The following APBA1 variants were observed in gnomAD, a reference collection of about 807,000 sequenced individuals.
The protein encoded by APBA1 is amyloid-beta A4 precursor protein-binding family A member 1.
APBA1 carries 55 observed loss-of-function variants against 86.6 expected under a neutral mutation model. The observed-to-expected ratio is 0.64, with a 90% CI of 0.51 to 0.80. APBA1 has a LOEUF of 0.80. Among genes scored for constraint, APBA1 ranks in the 30% least tolerant of loss-of-function variants. The probability of loss-of-function intolerance (pLI) is 0.00; values close to 1 mark genes in which losing one functional copy is unlikely to be tolerated. For synonymous variants in APBA1, 511 were observed against 493.9 expected (o/e 1.03, Z -0.46); for missense variants, 1,090 against 1,183.0 (o/e 0.92, Z 1.15).
At chr9:69,499,987 G>T (rs1052777976) in intron 2 of APBA1, among the ~76,000 whole-genome samples, 1 of 152,094 alleles carries the variant, frequency 6.6e-6, no homozygotes, top group Non-Finnish European at 1.5e-5. Context: ...ATCAGGAGTA[G>T]AATGCCAATA....
intron 1 of APBA1, among the ~76,000 whole-genome samples, chr9:69,610,538 G>C (rs1822566606): frequency 6.6e-6 from 1 of 152,014 alleles, no homozygotes; most frequent in Non-Finnish European, 1.5e-5. Flanking sequence ...TGGGCACTCT[G>C]ATTTTGGTTT....
intron 9 of APBA1, among the ~76,000 whole-genome samples, chr9:69,450,860 C>T (rs1834996041): frequency 6.6e-6 from 1 of 151,792 alleles, no homozygotes; most frequent in African/African-American, 2.4e-5. Context: ...TAGGGACATG[C>T]ATGGAGAAAG....
In APBA1 at chr9:69,429,429, A is replaced by G. The variant is rs1399190161; in HGVS notation, c.*1898T>C. The G allele has an allele frequency of 6.6e-6, 1 of 152,162 alleles. No homozygotes were observed. Among genetic ancestry groups the G allele is most frequent in the Non-Finnish European group, 1.5e-5 (1 of 68,032 alleles). The allele number at this position is 152,162 out of a possible 1,614,324, so 9.4% of individuals were successfully genotyped here. A position where few individuals can be genotyped will look rare whatever the true frequency, so the allele number is the denominator to read the frequency against. On this transcript the variant is annotated 3_prime_UTR_variant, in exon 13 of 13. Transcript: ENST00000265381. Reference sequence around the variant, plus strand: ...CCTGGGGAGCTTTACGGACCATCCCAGAGCCCCTGGCCCCACCGGGTGCCA... The same window carrying G: ...CCTGGGGAGCTTTACGGACCATCCCGGAGCCCCTGGCCCCACCGGGTGCCA...
At chr9:69,445,279 A>C (rs1282769274) in intron 10 of APBA1, among the ~76,000 whole-genome samples, 1 of 152,198 alleles carries the variant, frequency 6.6e-6, no homozygotes, top group East Asian at 1.9e-4. Context: ...AATGTGTTGC[A>C]AGATGAAGCT....
chr9:69,448,419 G>A (rs1359461483), intron 10 of APBA1, among the ~76,000 whole-genome samples: 2 of 152,212 alleles, frequency 1.3e-5, no homozygotes, highest in African/African-American at 4.8e-5. Context: ...TAAGCAAGAG[G>A]TAGAATTTAT....
chr9:69,514,738 G>A (rs1405507199), intron 2 of APBA1, among the ~76,000 whole-genome samples: 2 of 151,818 alleles, frequency 1.3e-5, no homozygotes, highest in African/African-American at 2.4e-5. Flanking sequence ...ATGAAACCCC[G>A]TCTCTACTAA....
At position 69,516,226 on chromosome 9, in the gene APBA1, C is replaced by T. The variant is rs1193519001; in HGVS notation, c.985G>A (p.Ala329Thr). 1.4e-6 allele frequency: 2 copies of T among 1,474,160 alleles called. No homozygotes were observed. The highest frequency in any genetic ancestry group is 1.8e-6 in the Non-Finnish European group (2 of 1,109,540). 91.3% of individuals were successfully genotyped at this position (1,474,160 alleles called of 1,614,324 possible). The change falls in exon 2 of 13, where the codon GCG becomes ACG. Residue 329 changes from alanine to threonine, a missense_variant. Physicochemically the swap from Ala to Thr is moderately conservative, Grantham distance 58. Around this residue, in one of 6 missense-constraint regions of APBA1, gnomAD observed 678 missense variants for 647.1 expected, o/e 1.05. Transcript: ENST00000265381. The surrounding 1 kb of genome is among the most constrained non-coding windows in gnomAD (Gnocchi z 7.3). ...PAGQQRAVGP[A>T]GGGEAGQRYS... is the part of the protein sequence containing the mutation. ...CGCTGCCCCGCCTCGCCGCCGCCCG[C>T]GGGGCCCACCGCCCGCTGCTGCCCC...
In APBA1 at chr9:69,434,810, T is replaced by C. The variant is rs142634360; in HGVS notation, c.2302-2134A>G. ...ACTTTAACGTTTTTATTATTATTAG[T>C]ATACTTTAAGTTTTAGGGTACATGG... On this transcript the variant is annotated intron_variant, in intron 11 of 12. Transcript: ENST00000265381. Among the ~76,000 whole-genome samples the C allele has an allele frequency of 2.6e-3, 401 of 152,224 alleles. 3 individuals carry two copies. The highest frequency in any genetic ancestry group is 4.4e-3 in the Non-Finnish European group (297 of 67,994).
chr9:69,543,250 C>T (rs1017141716), intron 1 of APBA1, among the ~76,000 whole-genome samples: 7 of 143,730 alleles, frequency 4.9e-5, no homozygotes, highest in African/African-American at 1.8e-4. Context: ...TGGCCCTCCA[C>T]TTCCACTCCC....
At chr9:69,539,416 T>C (rs899681913) in intron 1 of APBA1, among the ~76,000 whole-genome samples, 2 of 152,240 alleles carry the variant, frequency 1.3e-5, no homozygotes, top group Non-Finnish European at 2.9e-5. Context: ...TAATCCTTTT[T>C]TTCATACCCT....
chr9:69,532,452 G>A (rs1836448720), intron 1 of APBA1, among the ~76,000 whole-genome samples: 1 of 152,076 alleles, frequency 6.6e-6, no homozygotes, highest in Non-Finnish European at 1.5e-5. Flanking sequence ...GTCGCTTCCC[G>A]ACCACCTGGC....
intron 1 of APBA1, among the ~76,000 whole-genome samples, chr9:69,649,785 T>TTCCA: frequency 6.6e-6 from 1 of 152,142 alleles, no homozygotes; most frequent in Non-Finnish European, 1.5e-5. Flanking sequence ...TCAGAGGGTC[T>TTCCA]GGAGGAATAA....
rs1289497540 is a variant in APBA1, at chr9:69,427,773, TTATTTA to T, written c.*3548_*3553del. ...GTGTAGATATATTTTATTTATATAT[TTATTTA>T]TATTTATATATAGATCATTGAGTTT... On this transcript the variant is annotated 3_prime_UTR_variant, in exon 13 of 13. Coordinates refer to ENST00000265381, the MANE Select transcript of APBA1 (RefSeq NM_001163.4). 6.6e-6 allele frequency: 1 copy of T among 151,680 alleles called. No homozygotes were observed. Among genetic ancestry groups the T allele is most frequent in the Non-Finnish European group, 1.5e-5 (1 of 67,906 alleles). 9.4% of individuals were successfully genotyped at this position (151,680 alleles called of 1,614,324 possible). A position where few individuals can be genotyped will look rare whatever the true frequency, so the allele number is the denominator to read the frequency against.
chr9:69,615,668 A>G (rs1280142649), intron 1 of APBA1, among the ~76,000 whole-genome samples: 2 of 152,308 alleles, frequency 1.3e-5, no homozygotes, highest in East Asian at 3.9e-4. Context: ...GCTATAATAC[A>G]CCTGTTATTA....
intron 2 of APBA1, 64 bp from the exon 3 acceptor site, chr9:69,476,207 G>A (rs1444517437): frequency 1.6e-6 from 2 of 1,219,930 alleles, no homozygotes; most frequent in Non-Finnish European, 2.4e-6. Flanking sequence ...TTGGCTGGGG[G>A]AAAGGGGCCG....
intron 1 of APBA1, among the ~76,000 whole-genome samples, chr9:69,612,017 T>G (rs1454559498): frequency 6.6e-6 from 1 of 152,160 alleles, no homozygotes; most frequent in African/African-American, 2.4e-5. Context: ...GCTAATCAGA[T>G]GGGATTATAT....
At chr9:69,517,585 T>A (rs1046489819) in intron 1 of APBA1, among the ~76,000 whole-genome samples, 1 of 152,212 alleles carries the variant, frequency 6.6e-6, no homozygotes, top group Admixed American at 6.5e-5. Context: ...TGCATCTGAA[T>A]AAAGAGTACT....
chr9:69,672,775 G>C (rs1466379119), upstream of APBA1: 3 of 152,408 alleles, frequency 2.0e-5, no homozygotes, highest in East Asian at 5.8e-4. Context: ...TCCCCGAGGG[G>C]ACTGACGGGG....
chr9:69,624,191 A>G (rs1822882110), intron 1 of APBA1, among the ~76,000 whole-genome samples: 1 of 152,182 alleles, frequency 6.6e-6, no homozygotes, highest in Non-Finnish European at 1.5e-5. Flanking sequence ...GAGCAGCACG[A>G]ATTTACAATA....
Sources: allele counts gnomAD v4.1 joint callset (sites outside exome capture counted in the v4.1 genomes callset), GRCh38; gene constraint gnomAD v4.1.1; regional missense constraint gnomAD v4.1.1; non-coding constraint Gnocchi (gnomAD v3.1); transcripts MANE v1.5; gene names NCBI Gene and HGNC (gene_info 2026-07-23, HGNC 2026-07-21).